The following TENM4 variants were observed in gnomAD, a reference collection of about 807,000 sequenced individuals.
The protein encoded by TENM4 is teneurin transmembrane protein 4.
A neutral mutation model predicts 243.3 loss-of-function variants in TENM4; 82 were observed. That is an observed-to-expected ratio of 0.34 (90% CI 0.28 to 0.40). TENM4 has a LOEUF of 0.40. Ranked by LOEUF, TENM4 falls within the 10% of genes least tolerant of loss-of-function variation. The probability of loss-of-function intolerance (pLI) is 1.00; values close to 1 mark genes in which losing one functional copy is unlikely to be tolerated. For missense variants in TENM4, 3,138 were observed against 3,673.3 expected, an observed-to-expected ratio of 0.85 and a Z score of 3.77; for synonymous variants, 1,412 against 1,456.3, an observed-to-expected ratio of 0.97 and a Z score of 0.69.
At chr11:78,833,485 C>T (rs891501130) in intron 12 of TENM4, among the ~76,000 whole-genome samples, 1 of 152,228 alleles carries the variant, frequency 6.6e-6, no homozygotes, top group Non-Finnish European at 1.5e-5. Flanking sequence ...ATCCCTCTGA[C>T]ATAGACTTTC....
At chr11:79,279,208 G>A (rs1427463237) in intron 2 of TENM4, among the ~76,000 whole-genome samples, 1 of 152,190 alleles carries the variant, frequency 6.6e-6, no homozygotes, top group East Asian at 1.9e-4. Context: ...ACTCCCTAAA[G>A]TGTCAATATG....
At position 79,230,917 on chromosome 11, in the gene TENM4, G is replaced by A. The variant is rs529594918; in HGVS notation, c.-264-15008C>T. Among the ~76,000 whole-genome samples the A allele has an allele frequency of 2.7e-4, 41 of 152,270 alleles. No individual in the cohort carries two copies. The South Asian group carries it at 7.9e-3, about 29-fold the overall frequency. ...GCTTTGTCTTCTGGCTGCCTAACAA[G>A]AGCCCTTAGGCTGAGGGCTGCACAT... On this transcript the variant is annotated intron_variant, in intron 2 of 33. Coordinates refer to ENST00000278550, the MANE Select transcript of TENM4 (RefSeq NM_001098816.3).
At chr11:79,115,312 G>C (rs1861595969) in intron 4 of TENM4, among the ~76,000 whole-genome samples, 3 of 152,052 alleles carry the variant, frequency 2.0e-5, no homozygotes, top group Admixed American at 2.0e-4. Flanking sequence ...AGAGGGCTGG[G>C]GAGGACCTTG....
Position 78,669,764 on chromosome 11 carries a change from T to C in TENM4, c.6581A>G (p.Tyr2194Cys), listed in dbSNP as rs1858268038. 6 of 1,613,956 alleles carry C rather than the reference T, an allele frequency of 3.7e-6. No homozygotes were observed. The highest frequency in any genetic ancestry group is 5.1e-6 in the Non-Finnish European group (6 of 1,179,890). Residue 2194 changes from tyrosine (Y) to cysteine (C), a missense_variant, in exon 32 of 34, where the codon TAT (tyrosine) becomes TGT (cysteine). This residue lies in a region of TENM4 where 2,467 missense variants were observed against 3,059.1 expected (regional missense o/e 0.81). Transcript: ENST00000278550. This position sits in a 1 kb window ranked among gnomAD's most constrained non-coding sequence, Gnocchi z 6.4. ...CAGCTGGCCGTCAGCATCATACTCA[T>C]AGGAGTAGCGAGTGGTATTGGCGTA... ...GPYANTTRYS[Y>C]EYDADGQLQT...
At chr11:79,238,840 C>T (rs1008517761) in intron 2 of TENM4, among the ~76,000 whole-genome samples, 1 of 151,986 alleles carries the variant, frequency 6.6e-6, no homozygotes, top group East Asian at 1.9e-4. Context: ...GCTTGGCGAT[C>T]GTGGTGAAAC....
intron 4 of TENM4, among the ~76,000 whole-genome samples, chr11:79,081,677 G>T (rs1003725224): frequency 6.6e-6 from 1 of 152,150 alleles, no homozygotes; most frequent in African/African-American, 2.4e-5. Context: ...GATGGAACTG[G>T]ATCAAGCTCA....
At chr11:78,732,655 A>G (rs536980314) in intron 20 of TENM4, 78 bp from the exon 21 acceptor site, 271 of 1,453,306 alleles carry the variant, frequency 1.9e-4, no homozygotes, top group Non-Finnish European at 2.4e-4. Flanking sequence ...AGAGACAAAG[A>G]AAGGGGAGAA....
At chr11:79,409,083 TGTGTGTGTGTGTGTGTGTGCGCGC>T (rs1858633771) in intron 1 of TENM4, among the ~76,000 whole-genome samples, 1 of 117,796 alleles carries the variant, frequency 8.5e-6, no homozygotes. Flanking sequence ...TGTGTGTGTG[TGTGTGTGTGTGTGTGTGTGCGCGC>T]GCGCGCGTGC....
In TENM4 at chr11:78,831,333, T is replaced by C. The variant is rs923034974; in HGVS notation, c.1682-16938A>G. Reference sequence around the variant, plus strand: ...CCAAGGTGGGACCTAACTCCCTCTATGGCCCCAGCTCCCAGCTCCCAGCTC... The same window carrying C: ...CCAAGGTGGGACCTAACTCCCTCTACGGCCCCAGCTCCCAGCTCCCAGCTC... On this transcript the variant is annotated intron_variant, in intron 12 of 33. Transcript: ENST00000278550. Among the ~76,000 whole-genome samples, 4 of 152,342 alleles carry C rather than the reference T, an allele frequency of 2.6e-5. No homozygotes were observed. The South Asian group carries it at 8.3e-4, about 32-fold the overall frequency.
At chr11:78,771,255 C>A in intron 17 of TENM4, 117 bp from the exon 18 acceptor site, 5 of 1,246,286 alleles carry the variant, frequency 4.0e-6, no homozygotes, top group Admixed American at 2.1e-5. Context: ...CACACGAATG[C>A]CCACAGCAGC....
At chr11:79,294,464 G>C (rs769165958) in intron 2 of TENM4, among the ~76,000 whole-genome samples, 6 of 152,194 alleles carry the variant, frequency 3.9e-5, no homozygotes, top group Non-Finnish European at 7.3e-5. Context: ...GCCTCCACTA[G>C]CCCTTGAATA....
At chr11:78,915,003 G>C (rs951983891) in intron 6 of TENM4, among the ~76,000 whole-genome samples, 2 of 152,142 alleles carry the variant, frequency 1.3e-5, no homozygotes, top group African/African-American at 2.4e-5. Flanking sequence ...AAGCATTTTT[G>C]TGGCTCCCCA....
chr11:79,301,322 C>T (rs986283441), intron 1 of TENM4, among the ~76,000 whole-genome samples: 1 of 152,202 alleles, frequency 6.6e-6, no homozygotes, highest in African/African-American at 2.4e-5. Flanking sequence ...GCCCCACAGT[C>T]TCTGTAATTG....
intron 1 of TENM4, among the ~76,000 whole-genome samples, chr11:79,393,567 G>A (rs2135544889): frequency 6.6e-6 from 1 of 152,318 alleles, no homozygotes; most frequent in Non-Finnish European, 1.5e-5. Context: ...CAGCCCTCTG[G>A]TCAGCTCCTT....
chr11:79,125,292 T>C (rs187878263), intron 4 of TENM4, among the ~76,000 whole-genome samples: 36 of 152,262 alleles, frequency 2.4e-4, no homozygotes, highest in Admixed American at 5.2e-4. Flanking sequence ...TTAAGTTCAG[T>C]AGACAAAGTG....
Position 78,656,572 on chromosome 11 carries a change from G to A in TENM4, c.*1486C>T, listed in dbSNP as rs1288826482. The A allele has an allele frequency of 1.3e-5, 2 of 153,022 alleles. No individual in the cohort carries two copies. Among genetic ancestry groups the A allele is most frequent in the East Asian group, 1.9e-4 (1 of 5,208 alleles). 9.5% of individuals were successfully genotyped at this position (153,022 alleles called of 1,614,324 possible). ...AGGTGTGGGCTGTCCCTGCTTCTGA[G>A]AGGGCTCAGGCCTCTCCCTGACGAC... On this transcript the variant is annotated 3_prime_UTR_variant, in exon 34 of 34. Transcript: ENST00000278550.
intron 1 of TENM4, among the ~76,000 whole-genome samples, chr11:79,431,157 G>T (rs1387363492): frequency 6.6e-6 from 1 of 152,142 alleles, no homozygotes; most frequent in Non-Finnish European, 1.5e-5. Flanking sequence ...CTACTACTCA[G>T]TACTTTATTT....
chr11:79,394,531 C>T lies in TENM4; in HGVS notation c.-321+45978G>A, dbSNP rs540678958. ...GAGAATTTAATGCAATCATCACTGTCGCATGACCCATAAAACACCATATAG... is the reference window on the plus strand; with the variant it reads ...GAGAATTTAATGCAATCATCACTGTTGCATGACCCATAAAACACCATATAG... On this transcript the variant is annotated intron_variant, in intron 1 of 33. Transcript: ENST00000278550. Among the ~76,000 whole-genome samples, 42 of 152,262 alleles carry T rather than the reference C, an allele frequency of 2.8e-4. No homozygotes were observed. The East Asian group carries it at 6.4e-3, about 23-fold the overall frequency.
chr11:79,123,403 G>A (rs1861785650), intron 4 of TENM4, among the ~76,000 whole-genome samples: 1 of 152,140 alleles, frequency 6.6e-6, no homozygotes, highest in Non-Finnish European at 1.5e-5. Flanking sequence ...TGGCCCCAAG[G>A]TATATGCCCT....
Sources: gnomAD v4.1 joint callset for allele counts (sites outside exome capture counted in the v4.1 genomes callset) on GRCh38, gnomAD v4.1.1 for gene constraint, gnomAD v4.1.1 regional missense constraint, Gnocchi (gnomAD v3.1) non-coding constraint, MANE v1.5 for transcripts, NCBI Gene and HGNC (gene_info 2026-07-23, HGNC 2026-07-21) for gene names.